NIBAN1: variants seen among roughly 807,000 people sequenced by gnomAD.
The protein encoded by NIBAN1 is protein Niban 1.
A neutral mutation model predicts 75.1 loss-of-function variants in NIBAN1; 81 were observed. That is an observed-to-expected ratio of 1.08 (90% confidence interval 0.90 to 1.30). NIBAN1 has a LOEUF of 1.30. NIBAN1 is among the 50% of genes most tolerant of loss of function. NIBAN1 has a pLI of 0.00. For synonymous variants in NIBAN1, 436 were observed against 424.8 expected, an observed-to-expected ratio of 1.03 and a Z score of -0.32; for missense variants, 1,133 against 1,128.1, an observed-to-expected ratio of 1.00 and a Z score of -0.06.
intron 12 of NIBAN1, among the ~76,000 whole-genome samples, chr1:184,799,735 CTTTTTTTTTTTT>C (rs780273995): frequency 2.0e-5 from 1 of 49,802 alleles, no homozygotes; most frequent in South Asian, 7.6e-4. Context: ...GATTGCCATT[CTTTTTTTTTTTT>C]TTTTTTTTTT....
intron 1 of NIBAN1, among the ~76,000 whole-genome samples, chr1:184,935,039 C>T (rs369956745): frequency 2.3e-4 from 35 of 152,290 alleles, no homozygotes; most frequent in Admixed American, 7.8e-4. Context: ...CACTGCACTC[C>T]GGCTTGGGTA....
At chr1:184,856,350 C>T (rs994105558) in intron 5 of NIBAN1, among the ~76,000 whole-genome samples, 14 of 151,962 alleles carry the variant, frequency 9.2e-5, no homozygotes, top group African/African-American at 1.4e-4. Context: ...TATTTTTGAT[C>T]GGTATTTTCT....
chr1:184,827,944 G>T (rs534965201), intron 6 of NIBAN1, among the ~76,000 whole-genome samples: 2 of 151,080 alleles, frequency 1.3e-5, no homozygotes, highest in African/African-American at 2.4e-5. Context: ...TAAAAATGCG[G>T]GTAGTTTTGT....
At chr1:184,893,989 T>C in intron 3 of NIBAN1, 86 bp downstream of exon 3, 2 of 1,398,582 alleles carry the variant, frequency 1.4e-6, no homozygotes, top group African/African-American at 1.5e-5. Context: ...TAGTATAGCC[T>C]TGTAGGAAGG....
intron 11 of NIBAN1, among the ~76,000 whole-genome samples, chr1:184,805,575 T>C (rs552351170): frequency 1.3e-5 from 2 of 152,352 alleles, no homozygotes; most frequent in South Asian, 4.1e-4. Context: ...TATTCGCCAG[T>C]TTAATGGATT....
Position 184,936,708 on chromosome 1 carries a change from T to C in NIBAN1, c.56-37399A>G, listed in dbSNP as rs186853267. Among the ~76,000 whole-genome samples, 962 of 152,332 alleles carry C rather than the reference T, an allele frequency of 6.3e-3. 4 individuals are homozygous for C. Among genetic ancestry groups the C allele is most frequent in the African/African-American group, 0.021 (861 of 41,572 alleles). The stretch of plus-strand genomic sequence containing the variant: ...CACACTGCGTGCGTGCGTGTGTGTG[T>C]GCGTGTGTGTGTGTAACCTCCCTCT... On this transcript the variant is annotated intron_variant, in intron 1 of 13. Coordinates refer to ENST00000367511, the MANE Select transcript of NIBAN1 (RefSeq NM_052966.4).
At chr1:184,970,869 G>T (rs891810614) in intron 1 of NIBAN1, among the ~76,000 whole-genome samples, 1 of 151,878 alleles carries the variant, frequency 6.6e-6, no homozygotes, top group Non-Finnish European at 1.5e-5. Flanking sequence ...AAAATTCAAG[G>T]GTAATTTTTA....
chr1:184,855,743 C>A (rs1655660886), intron 5 of NIBAN1, among the ~76,000 whole-genome samples: 1 of 152,178 alleles, frequency 6.6e-6, no homozygotes, highest in Non-Finnish European at 1.5e-5. Context: ...GTCACAAGAA[C>A]AGGCATCTTT....
chr1:184,856,527 A>G (rs113431163), intron 5 of NIBAN1, among the ~76,000 whole-genome samples: 18 of 152,316 alleles, frequency 1.2e-4, no homozygotes, highest in African/African-American at 4.1e-4. Flanking sequence ...TTTAAGCTGG[A>G]AAAAAGGTGA....
chr1:184,874,444 G>T (rs1656183576), intron 5 of NIBAN1, among the ~76,000 whole-genome samples: 1 of 151,884 alleles, frequency 6.6e-6, no homozygotes. Context: ...TTTAAAGACT[G>T]TCAGATGTTT....
intron 5 of NIBAN1, among the ~76,000 whole-genome samples, chr1:184,838,246 T>TA (rs1478712105): frequency 1.3e-5 from 2 of 152,214 alleles, no homozygotes; most frequent in Non-Finnish European, 1.5e-5. Flanking sequence ...CATTACAACT[T>TA]ACTGTGCTCG....
intron 12 of NIBAN1, 57 bp from the exon 13 acceptor site, chr1:184,798,247 G>A: frequency 9.0e-7 from 1 of 1,106,734 alleles, no homozygotes; most frequent in Non-Finnish European, 1.3e-6. Context: ...CCTGTTCTTA[G>A]AGGAGATACA....
At chr1:184,832,902 A>G (rs554899578) in intron 5 of NIBAN1, among the ~76,000 whole-genome samples, 2 of 152,282 alleles carry the variant, frequency 1.3e-5, no homozygotes, top group East Asian at 3.9e-4. Flanking sequence ...GGGGGACACA[A>G]TGATTACAAA....
chr1:184,931,535 T>C (rs551773198), intron 1 of NIBAN1, among the ~76,000 whole-genome samples: 2 of 152,326 alleles, frequency 1.3e-5, no homozygotes, highest in African/African-American at 4.8e-5. Flanking sequence ...TAGAAAAGCA[T>C]AGAAATGAAG....
At chr1:184,866,988 C>T (rs1175371672) in intron 5 of NIBAN1, among the ~76,000 whole-genome samples, 1 of 152,152 alleles carries the variant, frequency 6.6e-6, no homozygotes, top group Non-Finnish European at 1.5e-5. Flanking sequence ...TTTATGAGCA[C>T]AGATGTGCAA....
In NIBAN1 at chr1:184,818,762, A is replaced by T; in HGVS notation, c.1049T>A (p.Ile350Asn). Residue 350 changes from isoleucine to asparagine, a missense_variant, in exon 9 of 14, where the codon ATC (isoleucine) becomes AAC (asparagine). Ile to Asn is a moderately radical substitution (Grantham distance 149). Coordinates refer to ENST00000367511, the MANE Select transcript of NIBAN1 (RefSeq NM_052966.4). ...CACTGGTCCCATGAGCTCCTCCAGG[A>T]TGGATGCCAGGAATGGCTGCACACT... is the stretch of plus-strand genomic sequence containing the variant. ...LESVQPFLAS[I>N]LEELMGPVSS... 6.2e-7 allele frequency: 1 copy of T among 1,612,816 alleles called. No homozygotes were observed. Among genetic ancestry groups the T allele is most frequent in the Non-Finnish European group, 8.5e-7 (1 of 1,178,942 alleles).
rs752439687 is a variant in NIBAN1, at chr1:184,894,123, G to C, written c.270C>G (p.Tyr90Ter). The C allele has an allele frequency of 3.7e-6, 6 of 1,612,166 alleles. No individual in the cohort carries two copies. Among genetic ancestry groups the C allele is most frequent in the Non-Finnish European group, 2.5e-6 (3 of 1,179,260 alleles). ...SEDIKKWKERYVVVKNDYAVE... is the reference protein window; with the variant it reads ...SEDIKKWKER ...CAGCATAATCATTTTTAACTACAAC[G>C]TATCTCTCCTTCCACTTCTTTATGT... Residue 90 changes from tyrosine to a stop codon, truncating the protein, a stop_gained, in exon 3 of 14, where the codon TAC becomes TAG. Coordinates refer to ENST00000367511, the MANE Select transcript of NIBAN1 (RefSeq NM_052966.4). LOFTEE classifies it high-confidence loss of function.
chr1:184,851,650 A>C (rs202209522), intron 5 of NIBAN1, among the ~76,000 whole-genome samples: 6 of 28,782 alleles, frequency 2.1e-4, no homozygotes, highest in African/African-American at 6.3e-4. Flanking sequence ...AAATTAAAAA[A>C]AAAAATTTTA....
chr1:184,917,706 C>T (rs1235394197), intron 1 of NIBAN1, among the ~76,000 whole-genome samples: 1 of 151,988 alleles, frequency 6.6e-6, no homozygotes, highest in Non-Finnish European at 1.5e-5. Context: ...AAGGAAGACC[C>T]CCCCAATATT....
Sources: gnomAD v4.1 joint callset for allele counts (sites outside exome capture counted in the v4.1 genomes callset) on GRCh38, gnomAD v4.1.1 for gene constraint, MANE v1.5 for transcripts, NCBI Gene and HGNC (gene_info 2026-07-23, HGNC 2026-07-21) for gene names.